FOXN2: variants seen among roughly 807,000 people sequenced by gnomAD.
FOXN2 encodes forkhead box protein N2.
A neutral mutation model predicts 41.2 loss-of-function variants in FOXN2; 19 were observed. The observed-to-expected ratio is 0.46, with a 90% confidence interval of 0.32 to 0.68. The LOEUF (loss-of-function observed/expected upper bound fraction) is 0.68. Among genes scored for constraint, FOXN2 ranks in the 30% least tolerant of loss-of-function variants. The pLI is 0.03. For missense variants in FOXN2, 587 were observed against 509.4 expected (o/e 1.15, Z -1.47); for synonymous variants, 195 against 176.8 (o/e 1.10, Z -0.82).
Position 48,358,940 on chromosome 2 carries a change from T to A in FOXN2, c.538-107T>A, listed in dbSNP as rs1338642428. 6.3e-6 allele frequency: 5 copies of A among 789,870 alleles called. No individual in the cohort carries two copies. In the African/African-American group the frequency reaches 7.0e-5, roughly 11 times the overall value. 48.9% of individuals were successfully genotyped at this position (789,870 alleles called of 1,614,324 possible). A position where few individuals can be genotyped will look rare whatever the true frequency, so the allele number is the denominator to read the frequency against. On this transcript the variant is annotated intron_variant, in intron 3 of 6. Coordinates refer to ENST00000340553, the MANE Select transcript of FOXN2 (RefSeq NM_002158.4). ...GCTCACTTCAACCTTAGTTTCATAC[T>A]CAAAAGGTGCTAGAGATTATTTACC...
At chr2:48,363,758 A>G (rs1442285438) in intron 5 of FOXN2, among the ~76,000 whole-genome samples, 1 of 152,204 alleles carries the variant, frequency 6.6e-6, no homozygotes, top group Non-Finnish European at 1.5e-5. Context: ...TATTCAGTAC[A>G]GTAACATGGT....
intron 5 of FOXN2, among the ~76,000 whole-genome samples, chr2:48,372,046 G>T (rs569527810): frequency 1.3e-5 from 2 of 152,050 alleles, no homozygotes; most frequent in African/African-American, 2.4e-5. Context: ...AATTGCTCTG[G>T]CTAGGGCTTC....
Position 48,324,496 on chromosome 2 carries a change from C to T in FOXN2, c.-156-4065C>T, listed in dbSNP as rs1427001273. ...AAATATTTTAATGAATATCATATTT[C>T]ATCCTTCAAATTTTTTTTTGTTTCA... On this transcript the variant is annotated intron_variant, in intron 1 of 6. Coordinates refer to ENST00000340553, the MANE Select transcript of FOXN2 (RefSeq NM_002158.4). Among the ~76,000 whole-genome samples the T allele has an allele frequency of 2.0e-5, 3 of 152,146 alleles. No homozygotes were observed. The East Asian group carries it at 5.8e-4, about 29-fold the overall frequency.
chr2:48,345,100 C>G (rs1671013020), intron 2 of FOXN2, among the ~76,000 whole-genome samples: 1 of 152,098 alleles, frequency 6.6e-6, no homozygotes, highest in African/African-American at 2.4e-5. Flanking sequence ...CTATTTTTCG[C>G]TCTCCTTGAA....
intron 1 of FOXN2, among the ~76,000 whole-genome samples, chr2:48,316,737 GT>G (rs1668944083): frequency 6.6e-6 from 1 of 152,140 alleles, no homozygotes; most frequent in Non-Finnish European, 1.5e-5. Flanking sequence ...GACAATCCTT[GT>G]TTACTAATGC....
intron 1 of FOXN2, among the ~76,000 whole-genome samples, chr2:48,323,317 G>A (rs988908318): frequency 2.6e-5 from 4 of 152,120 alleles, no homozygotes; most frequent in Non-Finnish European, 4.4e-5. Context: ...ACTCGATACC[G>A]TTTTTCATAA....
chr2:48,325,081 T>A (rs1452559499), intron 1 of FOXN2, among the ~76,000 whole-genome samples: 2 of 152,250 alleles, frequency 1.3e-5, no homozygotes, highest in Non-Finnish European at 2.9e-5. Flanking sequence ...AGGATGTAGA[T>A]ACTGAATCAG....
rs1167219615 is a variant in FOXN2, at chr2:48,346,516, A to G, written c.302A>G (p.Tyr101Cys). Residue 101 changes from tyrosine to cysteine, a missense_variant, in exon 3 of 7, where the codon TAC (tyrosine) becomes TGC (cysteine). Physicochemically the swap from Tyr to Cys is radical, Grantham distance 194. Transcript: ENST00000340553. ...DDVPSFGPAC[Y>C]QNPEKKSATS... ...GTGCCATCCTTTGGACCAGCTTGCT[A>G]CCAGAACCCAGAAAAAAAATCAGCG... 1.2e-6 allele frequency: 2 copies of G among 1,613,734 alleles called. No homozygotes were observed. The highest frequency in any genetic ancestry group is 1.7e-5 in the Admixed American group (1 of 59,886).
At chr2:48,373,249 C>G in intron 5 of FOXN2, 43 bp from the exon 6 acceptor site, 2 of 1,377,468 alleles carry the variant, frequency 1.5e-6, no homozygotes, top group Non-Finnish European at 2.0e-6. Context: ...AATAGCCTCT[C>G]CTTTATAAAG....
At chr2:48,339,362 T>C (rs1383025120) in intron 2 of FOXN2, among the ~76,000 whole-genome samples, 2 of 152,176 alleles carry the variant, frequency 1.3e-5, no homozygotes, top group Admixed American at 6.5e-5. Flanking sequence ...GTTCTTGTGA[T>C]AGTGAGTTCT....
intron 2 of FOXN2, among the ~76,000 whole-genome samples, chr2:48,331,175 C>T (rs6545032): frequency 0.031 from 4,784 of 152,236 alleles, 240 homozygotes; most frequent in African/African-American, 0.11. Flanking sequence ...CCTAAGTTTG[C>T]TTTGGGCTAT....
At chr2:48,341,979 C>T (rs990507677) in intron 2 of FOXN2, among the ~76,000 whole-genome samples, 1 of 152,108 alleles carries the variant, frequency 6.6e-6, no homozygotes, top group African/African-American at 2.4e-5. Flanking sequence ...CTGATAAGTC[C>T]ATGACCTTTT....
At chr2:48,364,174 T>C (rs1423560702) in intron 5 of FOXN2, among the ~76,000 whole-genome samples, 1 of 152,204 alleles carries the variant, frequency 6.6e-6, no homozygotes, top group Non-Finnish European at 1.5e-5. Context: ...AATAAAAACA[T>C]TTATTAAAGA....
chr2:48,362,864 G>A (rs974289313), intron 5 of FOXN2, among the ~76,000 whole-genome samples, 157 bp downstream of exon 5: 5 of 152,110 alleles, frequency 3.3e-5, no homozygotes, highest in African/African-American at 7.2e-5. Context: ...GTGGCACAAC[G>A]CATTTACTGA....
chr2:48,356,852 C>T (rs60527991), intron 3 of FOXN2, among the ~76,000 whole-genome samples: 31,557 of 152,116 alleles, frequency 0.21, 3,499 homozygotes, highest in South Asian at 0.26. Context: ...TAGCAGTTCT[C>T]TACCAAGTAA....
rs181641606 is a variant in FOXN2, at chr2:48,352,332, C to G, written c.537+5581C>G. ...TGACTTCTTTTCTGTCTTACTCAACCTAAAACTGCATTATATGACATGATT... is the reference window on the plus strand; with the variant it reads ...TGACTTCTTTTCTGTCTTACTCAACGTAAAACTGCATTATATGACATGATT... On this transcript the variant is annotated intron_variant, in intron 3 of 6. Coordinates refer to ENST00000340553, the MANE Select transcript of FOXN2 (RefSeq NM_002158.4). 7.5e-3 allele frequency among the ~76,000 whole-genome samples: 1,142 copies of G among 152,276 alleles called. 7 individuals carry two copies. Among genetic ancestry groups the G allele is most frequent in the African/African-American group, 0.024 (991 of 41,564 alleles).
intron 5 of FOXN2, 127 bp from the exon 6 acceptor site, chr2:48,373,165 G>A (rs773217494): frequency 2.3e-5 from 14 of 620,542 alleles, no homozygotes; most frequent in Admixed American, 6.3e-5. Flanking sequence ...TTTGTTTGAT[G>A]TGCGTTTATG....
chr2:48,336,323 G>A (rs1356880460), intron 2 of FOXN2, among the ~76,000 whole-genome samples: 1 of 151,054 alleles, frequency 6.6e-6, no homozygotes, highest in Non-Finnish European at 1.5e-5. Flanking sequence ...CAGGAGAATC[G>A]CTTGAACCTG....
At chr2:48,359,411 G>T (rs971506782) in intron 4 of FOXN2, among the ~76,000 whole-genome samples, 1 of 150,682 alleles carries the variant, frequency 6.6e-6, no homozygotes, top group African/African-American at 2.4e-5. Context: ...CTCCCACCTC[G>T]GCCTCCCTAG....
Sources: allele counts gnomAD v4.1 joint callset (sites outside exome capture counted in the v4.1 genomes callset), GRCh38; gene constraint gnomAD v4.1.1; transcripts MANE v1.5; gene names NCBI Gene and HGNC (gene_info 2026-07-23, HGNC 2026-07-21).